NCOR1: variants seen among roughly 807,000 people sequenced by gnomAD.
NCOR1 encodes protein phosphatase 1, regulatory subunit 109.
NCOR1 carries 63 observed loss-of-function variants against 288.1 expected under a neutral mutation model. The ratio of observed to expected loss-of-function variants is 0.22; its 90% CI spans 0.18 to 0.27. The LOEUF (loss-of-function observed/expected upper bound fraction) is 0.27, where lower values mean the gene tolerates loss of function less well. Among genes scored for constraint, NCOR1 ranks in the 10% least tolerant of loss-of-function variants. The probability of loss-of-function intolerance (pLI) is 1.00; values close to 1 mark genes in which losing one functional copy is unlikely to be tolerated. For missense variants in NCOR1, 2,397 were observed against 3,019.2 expected (o/e 0.79, Z 4.83); for synonymous variants, 1,007 against 1,065.9 (o/e 0.94, Z 1.08).
intron 1 of NCOR1, among the ~76,000 whole-genome samples, chr17:16,203,071 A>ACACT (rs900762304): frequency 2.8e-5 from 4 of 143,104 alleles, no homozygotes; most frequent in African/African-American, 1.0e-4. Flanking sequence ...ACACACACAC[A>ACACT]CTCTGAAGCT....
At chr17:16,175,754 T>C (rs1361692781) in intron 3 of NCOR1, among the ~76,000 whole-genome samples, 1 of 151,144 alleles carries the variant, frequency 6.6e-6, no homozygotes, top group Non-Finnish European at 1.5e-5. Context: ...CACAATGCCA[T>C]GCGCCTGTAA....
At chr17:16,171,497 C>G (rs1441514683) in intron 4 of NCOR1, among the ~76,000 whole-genome samples, 1 of 152,124 alleles carries the variant, frequency 6.6e-6, no homozygotes, top group Non-Finnish European at 1.5e-5. Flanking sequence ...TTGAGTACCT[C>G]TGACCACATT....
At chr17:16,114,143 C>CAAAAAAAAAAAAAA (rs71353770) in intron 18 of NCOR1, among the ~76,000 whole-genome samples, 1 of 17,708 alleles carries the variant, frequency 5.6e-5, no homozygotes, top group African/African-American at 1.9e-4. Context: ...TGGCGGCAGG[C>CAAAAAAAAAAAAAA]AAAAAAAAAA....
intron 4 of NCOR1, among the ~76,000 whole-genome samples, chr17:16,168,545 GGCCC>G (rs1854653392): frequency 6.6e-6 from 1 of 151,996 alleles, no homozygotes; most frequent in Non-Finnish European, 1.5e-5. Context: ...GTTAAGAACT[GGCCC>G]TACTCTTTTG....
chr17:16,189,458 C>T (rs1330746082), intron 2 of NCOR1, among the ~76,000 whole-genome samples: 1 of 151,894 alleles, frequency 6.6e-6, no homozygotes, highest in Non-Finnish European at 1.5e-5. Flanking sequence ...TGAAGGTAAA[C>T]AATAGTTGAA....
At chr17:16,110,136 C>T (rs575241465) in intron 18 of NCOR1, among the ~76,000 whole-genome samples, 13 of 152,294 alleles carry the variant, frequency 8.5e-5, no homozygotes, top group Admixed American at 7.2e-4. Context: ...GGGAGGATCA[C>T]TTGAACTCAG....
rs564666943 is a variant in NCOR1 at position 16,073,330 on chromosome 17, G to T, written c.3811+99C>A. 4 of 1,055,022 alleles carry T rather than the reference G, an allele frequency of 3.8e-6. No individual in the cohort carries two copies. The South Asian group carries it at 8.9e-5, about 24-fold the overall frequency. The allele number at this position is 1,055,022 out of a possible 1,614,324, so 65.4% of individuals were successfully genotyped here. On this transcript the variant is annotated intron_variant, in intron 28 of 45. Transcript: ENST00000268712. ...AACTTAATATAAATATACATTTCAG[G>T]TGGAAATGACAGAAATTGCATACAA...
intron 45 of NCOR1, among the ~76,000 whole-genome samples, chr17:16,034,093 G>C (rs1246862740): frequency 6.6e-6 from 1 of 152,014 alleles, no homozygotes; most frequent in Non-Finnish European, 1.5e-5. Context: ...GAAAGGTGAA[G>C]TACTCTTAGA....
At position 16,065,034 on chromosome 17, in the gene NCOR1, A is replaced by G. The variant is rs2060963899; in HGVS notation, c.4952-15T>C. The G allele has an allele frequency of 1.2e-6, 2 of 1,609,824 alleles. No homozygotes were observed. The highest frequency in any genetic ancestry group is 1.6e-4 in the Middle Eastern group (1 of 6,064). Reference sequence around the variant, plus strand: ...GTCAATGATTCCTATCCAAAAGACAATACAATTTATGTTAAGTGTTATTCT... The same window carrying G: ...GTCAATGATTCCTATCCAAAAGACAGTACAATTTATGTTAAGTGTTATTCT... On this transcript the variant is annotated splice_polypyrimidine_tract_variant and intron_variant, in intron 33 of 45. Transcript: ENST00000268712.
intron 31 of NCOR1, 91 bp from the exon 32 acceptor site, chr17:16,068,212 T>C: frequency 9.7e-7 from 1 of 1,030,772 alleles, no homozygotes; most frequent in South Asian, 1.5e-5. Context: ...ATAAAGACTA[T>C]ATTCATGTAT....
intron 21 of NCOR1, among the ~76,000 whole-genome samples, chr17:16,094,889 T>C (rs2066092681): frequency 6.6e-6 from 1 of 152,246 alleles, no homozygotes; most frequent in Non-Finnish European, 1.5e-5. Flanking sequence ...CAGGCTGGAG[T>C]GCAGTGGCGT....
chr17:16,072,194 A>C lies in NCOR1; in HGVS notation c.3846T>G (p.Pro1282=), dbSNP rs1233889326. 6.2e-7 allele frequency: 1 copy of C among 1,612,968 alleles called. No individual in the cohort carries two copies. Among genetic ancestry groups the C allele is most frequent in the Admixed American group, 1.7e-5 (1 of 59,912 alleles). ...CAGTCCTTTCTTTGAGGTCAGAATG[A>C]GGACTCCCCCTGGGTAATGCTCGGC... ...LICRALPRGS[P]HSDLKERTVL... is the part of the protein sequence containing the mutation. Residue 1282 remains proline (P), a synonymous_variant, in exon 29 of 46, where the codon CCT becomes CCG. Transcript: ENST00000268712.
intron 45 of NCOR1, among the ~76,000 whole-genome samples, chr17:16,033,966 G>C (rs1973266661): frequency 1.3e-5 from 2 of 152,148 alleles, no homozygotes; most frequent in African/African-American, 4.8e-5. Context: ...AAAATGCTGG[G>C]ATAACAGGCA....
chr17:16,087,432 G>A, intron 22 of NCOR1: 1 of 841,962 alleles, frequency 1.2e-6, no homozygotes, highest in South Asian at 1.5e-5. Context: ...CCATCCAGGG[G>A]CTGATCCGAC....
intron 14 of NCOR1, among the ~76,000 whole-genome samples, chr17:16,137,076 T>C (rs1158302302): frequency 1.3e-5 from 2 of 152,148 alleles, no homozygotes. Flanking sequence ...CAGAATGGTA[T>C]AAAACTTTTC....
intron 38 of NCOR1, 82 bp downstream of exon 38, chr17:16,058,389 T>C: frequency 6.7e-7 from 1 of 1,490,860 alleles, no homozygotes; most frequent in Non-Finnish European, 9.0e-7. Context: ...AGTTAATTCT[T>C]ACTATGGTCT....
chr17:16,178,047 C>T (rs2084593424), intron 3 of NCOR1, among the ~76,000 whole-genome samples: 1 of 150,848 alleles, frequency 6.6e-6, no homozygotes. Context: ...CCACCTCTAC[C>T]AAAAATATAA....
chr17:16,058,171 A>G, intron 38 of NCOR1, 107 bp from the exon 39 acceptor site: 1 of 1,241,280 alleles, frequency 8.1e-7, no homozygotes, highest in Non-Finnish European at 1.1e-6. Flanking sequence ...TGTGGTACAT[A>G]GCTCCAAACA....
intron 1 of NCOR1, among the ~76,000 whole-genome samples, chr17:16,196,935 T>TGAGCCCAGGA (rs1568624150): frequency 6.6e-6 from 1 of 151,982 alleles, no homozygotes; most frequent in Non-Finnish European, 1.5e-5. Context: ...GAGGATCACT[T>TGAGCCCAGGA]GAGCCCAGGA....
Sources: gnomAD v4.1 joint callset for allele counts (sites outside exome capture counted in the v4.1 genomes callset) on GRCh38, gnomAD v4.1.1 for gene constraint, MANE v1.5 for transcripts, NCBI Gene and HGNC (gene_info 2026-07-23, HGNC 2026-07-21) for gene names.